The following SLC25A48 variants were observed in gnomAD, a reference collection of about 807,000 sequenced individuals.
SLC25A48 encodes the protein CTC-321K16.1.
A neutral mutation model predicts 32.2 loss-of-function variants in SLC25A48; 29 were observed. The observed-to-expected ratio is 0.90, with a 90% CI of 0.67 to 1.23. SLC25A48 has a LOEUF of 1.23. Among genes scored for constraint, SLC25A48 ranks in the 50% most tolerant of loss-of-function variants. SLC25A48 has a pLI of 0.00. For missense variants in SLC25A48, 399 were observed against 422.7 expected, an observed-to-expected ratio of 0.94 and a Z score of 0.49; for synonymous variants, 164 against 172.3, an observed-to-expected ratio of 0.95 and a Z score of 0.38.
Position 135,800,588 on chromosome 5 carries a change from C to A in SLC25A48, c.-520-11935C>A, listed in dbSNP as rs373510871. On this transcript the variant is annotated intron_variant, in intron 3 of 10. Coordinates refer to the SLC25A48 transcript ENST00000646290. Reference sequence around the variant, plus strand: ...GGGAGGATGAAGTTATGCCCAATATCGCAGTGGCTGTACACCCACCCTCCC... The same window carrying A: ...GGGAGGATGAAGTTATGCCCAATATAGCAGTGGCTGTACACCCACCCTCCC... 1.3e-4 allele frequency among the ~76,000 whole-genome samples: 19 copies of A among 151,900 alleles called. No homozygotes were observed. The East Asian group carries it at 3.3e-3, about 26-fold the overall frequency.
At chr5:135,761,672 T>C (rs534356486) in intron 3 of SLC25A48, among the ~76,000 whole-genome samples, 2 of 152,312 alleles carry the variant, frequency 1.3e-5, no homozygotes, top group East Asian at 3.9e-4. Flanking sequence ...CACCAGAAGA[T>C]TGTTTTCAAT....
chr5:135,775,899 A>G (rs924930162), intron 3 of SLC25A48, among the ~76,000 whole-genome samples: 42 of 151,682 alleles, frequency 2.8e-4, no homozygotes, highest in African/African-American at 1.0e-3. Flanking sequence ...TGATGGTATT[A>G]CGATCAATAT....
intron 3 of SLC25A48, among the ~76,000 whole-genome samples, chr5:135,691,621 A>G (rs761040350): frequency 1.3e-4 from 20 of 152,202 alleles, no homozygotes; most frequent in Non-Finnish European, 1.5e-4. Context: ...AGTCCCAGGC[A>G]AACTGGGACA....
chr5:135,581,900 C>T (rs1007879413), intron 1 of SLC25A48, among the ~76,000 whole-genome samples: 2 of 152,242 alleles, frequency 1.3e-5, no homozygotes, highest in South Asian at 2.1e-4. Flanking sequence ...CCCTGACACA[C>T]CTTCAGGGCA....
rs34320053 is a variant in SLC25A48 at position 135,767,187 on chromosome 5, A to ACCC, written c.-520-45328_-520-45326dup. ...GCTCCCAATATTTCAGGACAGGTAC[A>ACCC]CCCCCCCCCCGTGATATGGTTTGTA... On this transcript the variant is annotated intron_variant, in intron 3 of 10. Coordinates refer to the SLC25A48 transcript ENST00000646290. 2.1e-3 allele frequency among the ~76,000 whole-genome samples: 311 copies of ACCC among 144,844 alleles called. 2 individuals carry two copies. The highest frequency in any genetic ancestry group is 7.2e-3 in the Middle Eastern group (2 of 276).
At chr5:135,885,183 C>T (rs1467570435) in intron 7 of SLC25A48, among the ~76,000 whole-genome samples, 1 of 152,180 alleles carries the variant, frequency 6.6e-6, no homozygotes, top group Admixed American at 6.5e-5. Flanking sequence ...CTCCCATCAA[C>T]CACATCAGAA....
chr5:135,855,606 A>G (rs1760248077), intron 4 of SLC25A48, among the ~76,000 whole-genome samples: 2 of 152,208 alleles, frequency 1.3e-5, no homozygotes, highest in Admixed American at 6.5e-5. Flanking sequence ...TGCAGTACCC[A>G]GTGCAAAATG....
chr5:135,671,102 C>A (rs927089435), intron 3 of SLC25A48, among the ~76,000 whole-genome samples: 4 of 152,148 alleles, frequency 2.6e-5, no homozygotes, highest in African/African-American at 9.7e-5. Flanking sequence ...AGCTAGCTGG[C>A]TCCTAGCCAG....
At chr5:135,591,246 T>C (rs543145449) in intron 1 of SLC25A48, among the ~76,000 whole-genome samples, 1 of 152,370 alleles carries the variant, frequency 6.6e-6, no homozygotes, top group African/African-American at 2.4e-5. Context: ...GCAGGCATTC[T>C]GATCCCCTTT....
At chr5:135,822,579 C>T (rs1235825213) in intron 4 of SLC25A48, among the ~76,000 whole-genome samples, 1 of 152,150 alleles carries the variant, frequency 6.6e-6, no homozygotes, top group African/African-American at 2.4e-5. Context: ...TCCAAATTTC[C>T]CTCATCTTAT....
chr5:135,766,917 G>A (rs1184441911), intron 3 of SLC25A48, among the ~76,000 whole-genome samples: 2 of 151,778 alleles, frequency 1.3e-5, no homozygotes, highest in Admixed American at 6.6e-5. Flanking sequence ...CTATGATGTG[G>A]TTCATAATAT....
At chr5:135,801,529 G>A (rs2109670) in intron 3 of SLC25A48, among the ~76,000 whole-genome samples, 97,510 of 150,390 alleles carry the variant, frequency 0.65, 33,845 homozygotes, top group Non-Finnish European at 0.77. Flanking sequence ...ATTCAGTGGG[G>A]GAAGAAGATG....
chr5:135,836,982 CACA>C (rs796364535), intron 1 of SLC25A48, among the ~76,000 whole-genome samples: 460 of 18,898 alleles, frequency 0.024, 5 homozygotes, highest in South Asian at 0.097. Context: ...CCCCCCCCCC[CACA>C]CACACACACA....
rs563121366 is a variant in SLC25A48, at chr5:135,586,170, G to A, written c.-849+6573G>A. 1.8e-3 allele frequency among the ~76,000 whole-genome samples: 275 copies of A among 152,282 alleles called. 1 individual carries two copies. Among genetic ancestry groups the A allele is most frequent in the Admixed American group, 3.4e-3 (52 of 15,294 alleles). On this transcript the variant is annotated intron_variant, in intron 1 of 10. Coordinates refer to the SLC25A48 transcript ENST00000646290. ...CAAACCCAAGCAATCTGACTCTGGA[G>A]TCCTGCTCTGCACGGCCATACGCTG...
At chr5:135,875,105 C>G (rs1464413748) in intron 6 of SLC25A48, 1 of 172,832 alleles carries the variant, frequency 5.8e-6, no homozygotes, top group Non-Finnish European at 1.2e-5. Flanking sequence ...TTAGTATTAT[C>G]AGTGTTGATT....
At chr5:135,713,912 C>T (rs969671444) in intron 3 of SLC25A48, among the ~76,000 whole-genome samples, 1 of 152,164 alleles carries the variant, frequency 6.6e-6, no homozygotes, top group African/African-American at 2.4e-5. Context: ...GTGTGGGAAA[C>T]CATGCAGGGA....
At chr5:135,882,731 C>T (rs1243461277) in intron 7 of SLC25A48, among the ~76,000 whole-genome samples, 2 of 152,166 alleles carry the variant, frequency 1.3e-5, no homozygotes, top group South Asian at 2.1e-4. Context: ...ATGAATCCAA[C>T]TCTGCCATCC....
chr5:135,777,119 A>C (rs888532911), intron 3 of SLC25A48, among the ~76,000 whole-genome samples: 1 of 151,108 alleles, frequency 6.6e-6, no homozygotes, highest in Non-Finnish European at 1.5e-5. Flanking sequence ...CCAGGCGGGG[A>C]GAGGACGATA....
intron 4 of SLC25A48, among the ~76,000 whole-genome samples, chr5:135,814,621 C>A (rs916771373): frequency 6.6e-6 from 1 of 152,202 alleles, no homozygotes. Context: ...GAAGCACAGG[C>A]TCCGGAGTCA....
Sources: allele counts gnomAD v4.1 joint callset (sites outside exome capture counted in the v4.1 genomes callset), GRCh38; gene constraint gnomAD v4.1.1; transcripts MANE v1.5; gene names NCBI Gene and HGNC (gene_info 2026-07-23, HGNC 2026-07-21).